Variants in FAM20C observed in about 807,000 individuals in gnomAD.
FAM20C encodes FAM20C golgi associated secretory pathway kinase, also known as extracellular serine/threonine protein kinase FAM20C.
In FAM20C, 40 loss-of-function variants were observed where a neutral mutation model predicts 51.5. The ratio of observed to expected loss-of-function variants is 0.78; its 90% CI spans 0.60 to 1.01. FAM20C has a LOEUF of 1.01. FAM20C is among the 50% of genes least tolerant of loss of function. The pLI is 0.00. For missense variants in FAM20C, 861 were observed against 844.7 expected (o/e 1.02, Z -0.24); for synonymous variants, 406 against 380.6 (o/e 1.07, Z -0.78).
chr7:233,664 C>T (rs1220595211), intron 3 of FAM20C, among the ~76,000 whole-genome samples: 6 of 152,288 alleles, frequency 3.9e-5, no homozygotes, highest in South Asian at 2.1e-4. Context: ...AGGTCTCCCT[C>T]GGCCCCTCTT....
At chr7:226,685 C>CTGAGGTCACTTTGGCT (rs1440870281) in intron 3 of FAM20C, among the ~76,000 whole-genome samples, 1 of 152,236 alleles carries the variant, frequency 6.6e-6, no homozygotes, top group African/African-American at 2.4e-5. Context: ...CCTCTGGCCT[C>CTGAGGTCACTTTGGCT]TGAGGTCACT....
chr7:207,600 C>T (rs1238447918), intron 2 of FAM20C, among the ~76,000 whole-genome samples: 2 of 152,256 alleles, frequency 1.3e-5, no homozygotes, highest in Non-Finnish European at 2.9e-5. Flanking sequence ...TATGCCACCC[C>T]ACCACGTTCC....
At chr7:231,017 G>A (rs1787651257) in intron 3 of FAM20C, among the ~76,000 whole-genome samples, 1 of 152,184 alleles carries the variant, frequency 6.6e-6, no homozygotes, top group Non-Finnish European at 1.5e-5. Context: ...GGCTGAGGAT[G>A]CAGTGAGCTA....
intron 5 of FAM20C, among the ~76,000 whole-genome samples, chr7:248,705 G>A (rs1213606426): frequency 5.5e-5 from 7 of 126,898 alleles, no homozygotes; most frequent in African/African-American, 1.2e-4. Flanking sequence ...ACGGGGGCCC[G>A]CATTCATCTC....
rs1554251141 is a variant in FAM20C, at chr7:216,676, T to TGA, written c.863+7701_863+7702insAG. Among the ~76,000 whole-genome samples the TGA allele has an allele frequency of 1.1e-3, 164 of 142,746 alleles. 2 individuals carry two copies. The highest frequency in any genetic ancestry group is 4.9e-3 in the East Asian group (23 of 4,728). 93.6% of individuals were successfully genotyped at this position (142,746 alleles called of 152,430 possible). ...GAGTGTGTGTGTGAGAGACAGAGTG[T>TGA]GTGTGAGAGTGTGTGTGTGTGTGAG... On this transcript the variant is annotated intron_variant, in intron 3 of 9. Coordinates refer to ENST00000313766, the MANE Select transcript of FAM20C (RefSeq NM_020223.4).
intron 2 of FAM20C, among the ~76,000 whole-genome samples, chr7:203,521 G>A (rs201696324): frequency 7.2e-5 from 11 of 152,238 alleles, no homozygotes; most frequent in South Asian, 6.2e-4. Context: ...GGCCTGAGAC[G>A]CAGGGCAGCT....
intron 3 of FAM20C, among the ~76,000 whole-genome samples, chr7:230,922 G>C (rs1021278100): frequency 6.6e-6 from 1 of 152,204 alleles, no homozygotes; most frequent in Non-Finnish European, 1.5e-5. Context: ...CCTGGCTTCA[G>C]TGTGGACCCG....
At chr7:249,947 C>G (rs998144784) in intron 5 of FAM20C, among the ~76,000 whole-genome samples, 1 of 152,100 alleles carries the variant, frequency 6.6e-6, no homozygotes, top group African/African-American at 2.4e-5. Context: ...GTGGTCCCAG[C>G]GATGGTGGGC....
At chr7:250,127 G>GTC (rs1788340144) in intron 5 of FAM20C, among the ~76,000 whole-genome samples, 2 of 152,266 alleles carry the variant, frequency 1.3e-5, no homozygotes, top group Admixed American at 1.3e-4. Flanking sequence ...GATTAGCTGC[G>GTC]TCTTCAGATT....
chr7:214,849 G>A (rs2115080712), intron 3 of FAM20C, among the ~76,000 whole-genome samples: 1 of 152,304 alleles, frequency 6.6e-6, no homozygotes, highest in East Asian at 1.9e-4. Flanking sequence ...TTCCAGGCAT[G>A]CGGCGGCTGC....
At chr7:241,247 G>A (rs1223235833) in intron 3 of FAM20C, among the ~76,000 whole-genome samples, 2 of 152,150 alleles carry the variant, frequency 1.3e-5, no homozygotes, top group Non-Finnish European at 2.9e-5. Context: ...CGGGAGCGGA[G>A]CCCAGAGTAG....
At chr7:248,736 G>A (rs1788279554) in intron 5 of FAM20C, among the ~76,000 whole-genome samples, 1 of 141,904 alleles carries the variant, frequency 7.0e-6, no homozygotes, top group Non-Finnish European at 1.5e-5. Flanking sequence ...CTGGCATGGG[G>A]AGCCCACATT....
chr7:246,292 C>A, intron 3 of FAM20C, 123 bp from the exon 4 acceptor site: 1 of 790,636 alleles, frequency 1.3e-6, no homozygotes, highest in Non-Finnish European at 2.1e-6. Context: ...CTCAGGGTGG[C>A]CCTGAGGAGG....
intron 8 of FAM20C, 149 bp downstream of exon 8, chr7:257,235 A>G: frequency 2.4e-6 from 2 of 830,046 alleles, no homozygotes; most frequent in Middle Eastern, 2.8e-4. Flanking sequence ...AGCCAGATGC[A>G]GAGGGCGGCC....
intron 3 of FAM20C, among the ~76,000 whole-genome samples, chr7:222,550 C>G (rs558277459): frequency 6.6e-6 from 1 of 152,268 alleles, no homozygotes; most frequent in African/African-American, 2.4e-5. Context: ...CCTGCCCCTC[C>G]TGGGGGCTCT....
At chr7:195,769 G>A (rs375588971) in intron 2 of FAM20C, 37 bp downstream of exon 2, 173 of 1,504,682 alleles carry the variant, frequency 1.1e-4, no homozygotes, top group Non-Finnish European at 1.5e-4. Flanking sequence ...CCGTCTGTGT[G>A]CCGGCTGTGT....
intron 3 of FAM20C, among the ~76,000 whole-genome samples, chr7:216,698 T>TGA (rs1562376400): frequency 7.3e-5 from 10 of 136,472 alleles, no homozygotes; most frequent in South Asian, 6.9e-4. Flanking sequence ...TGTGTGTGTG[T>TGA]GAGACAGAGT....
chr7:246,377 A>G (rs1490188136), intron 3 of FAM20C, 38 bp from the exon 4 acceptor site: 11 of 1,512,262 alleles, frequency 7.3e-6, no homozygotes, highest in Non-Finnish European at 8.0e-6. Context: ...AGGCTTTCTC[A>G]GTGACAAACC....
At chr7:197,577 T>G (rs564794957) in intron 2 of FAM20C, 2 of 163,492 alleles carry the variant, frequency 1.2e-5, no homozygotes, top group Non-Finnish European at 2.9e-5. Flanking sequence ...TAGGATGAGA[T>G]GTGCATGTGA....
Sources: gnomAD v4.1 joint callset for allele counts (sites outside exome capture counted in the v4.1 genomes callset) on GRCh38, gnomAD v4.1.1 for gene constraint, MANE v1.5 for transcripts, NCBI Gene and HGNC (gene_info 2026-07-23, HGNC 2026-07-21) for gene names.